FOXP1: variants seen among roughly 807,000 people sequenced by gnomAD.
The protein encoded by FOXP1 is forkhead box P1, also known as forkhead box protein P1.
A neutral mutation model predicts 98.2 loss-of-function variants in FOXP1; 15 were observed. The observed-to-expected ratio is 0.15, with a 90% CI of 0.10 to 0.24. FOXP1 has a LOEUF of 0.24. Ranked by LOEUF, FOXP1 falls within the 10% of genes least tolerant of loss-of-function variation. The pLI is 1.00. For missense variants in FOXP1, 633 were observed against 848.5 expected, an observed-to-expected ratio of 0.75 and a Z score of 3.15; for synonymous variants, 371 against 314.5, an observed-to-expected ratio of 1.18 and a Z score of -1.90.
chr3:71,305,995 G>A (rs1189888573), intron 4 of FOXP1: 1 of 152,634 alleles, frequency 6.6e-6, no homozygotes, highest in East Asian at 1.9e-4. Context: ...CTGGCTCTCA[G>A]GGCTCCCAGG....
chr3:71,456,605 T>A (rs1446674776), intron 3 of FOXP1, among the ~76,000 whole-genome samples: 4 of 152,162 alleles, frequency 2.6e-5, no homozygotes, highest in South Asian at 4.1e-4. Flanking sequence ...GACAATGTAT[T>A]TGTCTTCTTC....
At chr3:71,054,072 C>T (rs1381420238) in intron 7 of FOXP1, among the ~76,000 whole-genome samples, 2 of 152,184 alleles carry the variant, frequency 1.3e-5, no homozygotes, top group Non-Finnish European at 2.9e-5. Flanking sequence ...TTCTCAATTG[C>T]TTATTGAGAG....
At chr3:71,554,079 G>T (rs894189296) in intron 2 of FOXP1, among the ~76,000 whole-genome samples, 1 of 152,092 alleles carries the variant, frequency 6.6e-6, no homozygotes, top group African/African-American at 2.4e-5. Context: ...TGGATACAGC[G>T]GCTCACACCT....
intron 5 of FOXP1, among the ~76,000 whole-genome samples, chr3:71,287,589 G>A (rs2072288988): frequency 6.6e-6 from 1 of 152,082 alleles, no homozygotes; most frequent in Non-Finnish European, 1.5e-5. Context: ...AGACCAGCCT[G>A]ACAAACATGG....
intron 5 of FOXP1, among the ~76,000 whole-genome samples, chr3:71,266,049 G>A (rs1159445848): frequency 6.6e-6 from 1 of 152,084 alleles, no homozygotes; most frequent in Non-Finnish European, 1.5e-5. Context: ...GTGGGTTCAA[G>A]TTTTACCACT....
At chr3:71,501,298 T>C (rs865888192) in intron 2 of FOXP1, among the ~76,000 whole-genome samples, 1,861 of 129,044 alleles carry the variant, frequency 0.014, 47 homozygotes, top group African/African-American at 0.047. Flanking sequence ...CTTTTCTTTT[T>C]TTTTTTTTTT....
At chr3:71,437,390 G>A (rs1438610460) in intron 3 of FOXP1, among the ~76,000 whole-genome samples, 1 of 152,150 alleles carries the variant, frequency 6.6e-6, no homozygotes, top group Non-Finnish European at 1.5e-5. Context: ...CTGAGTGACA[G>A]AATGAGACCC....
chr3:71,199,759 T>G (rs555858794), intron 5 of FOXP1, among the ~76,000 whole-genome samples: 3 of 143,818 alleles, frequency 2.1e-5, no homozygotes, highest in African/African-American at 7.7e-5. Context: ...GAAAAAAAAA[T>G]AGGGTGCAAA....
intron 6 of FOXP1, among the ~76,000 whole-genome samples, chr3:71,117,444 A>G (rs538904795): frequency 6.6e-6 from 1 of 152,260 alleles, no homozygotes; most frequent in African/African-American, 2.4e-5. Flanking sequence ...TTTTATAACA[A>G]TATCTCAACC....
rs1415128407 is a variant in FOXP1, at chr3:70,959,175, G to T, written c.*72C>A. 1 of 1,549,082 alleles carries T rather than the reference G, an allele frequency of 6.5e-7. No homozygotes were observed. The highest frequency in any genetic ancestry group is 8.9e-7 in the Non-Finnish European group (1 of 1,125,862). ...ACAACAAATGGAGAACAATTTCACT[G>T]CTAACTTTTGACGTGTTTTTTTTTT... On this transcript the variant is annotated 3_prime_UTR_variant, in exon 21 of 21. Coordinates refer to ENST00000649528, the MANE Select transcript of FOXP1 (RefSeq NM_001349338.3).
chr3:71,133,391 T>C (rs541690057), intron 6 of FOXP1, among the ~76,000 whole-genome samples: 1 of 152,360 alleles, frequency 6.6e-6, no homozygotes, highest in Non-Finnish European at 1.5e-5. Flanking sequence ...GGCCATGGAA[T>C]AGTCGTCTCG....
intron 5 of FOXP1, among the ~76,000 whole-genome samples, chr3:71,282,562 T>C (rs1229227516): frequency 1.3e-5 from 2 of 152,140 alleles, no homozygotes; most frequent in African/African-American, 4.8e-5. Flanking sequence ...AGAATTTAGT[T>C]AATCCTCAAC....
At chr3:71,416,516 G>A (rs1346301492) in intron 3 of FOXP1, among the ~76,000 whole-genome samples, 1 of 150,246 alleles carries the variant, frequency 6.7e-6, no homozygotes, top group African/African-American at 2.5e-5. Flanking sequence ...CTGCACTCCA[G>A]CCTGGGCCAC....
chr3:70,977,670 T>C lies in FOXP1; in HGVS notation c.1401A>G (p.Pro467=), dbSNP rs540936642. The C allele has an allele frequency of 2.5e-6, 4 of 1,614,072 alleles. No homozygotes were observed. The East Asian group carries it at 8.9e-5, about 36-fold the overall frequency. The change falls in exon 16 of 21, where the codon CCA becomes CCG. Residue 467 remains proline, a synonymous_variant. Coordinates refer to ENST00000649528, the MANE Select transcript of FOXP1 (RefSeq NM_001349338.3). ...GCCTAATTAAAGATGCATATGTAAA[T>C]GGTGGTCTAACTTCTGCGTTCTTAT... is the stretch of plus-strand genomic sequence containing the variant. ...EFYKNAEVRP[P]FTYASLIRQA... is the part of the protein sequence containing the mutation.
chr3:71,059,633 C>T (rs2051192260), intron 7 of FOXP1, among the ~76,000 whole-genome samples: 1 of 152,124 alleles, frequency 6.6e-6, no homozygotes, highest in Non-Finnish European at 1.5e-5. Flanking sequence ...CTTCTCTTTC[C>T]TACTTCAACC....
chr3:71,372,011 T>G (rs2079362865), intron 3 of FOXP1, among the ~76,000 whole-genome samples: 1 of 151,572 alleles, frequency 6.6e-6, no homozygotes, highest in Non-Finnish European at 1.5e-5. Context: ...CGTCTTTTCT[T>G]TCTTTCTTTT....
rs146682363 is a variant in FOXP1, at chr3:71,220,227, G to GTGAA, written c.-11-21839_-11-21836dup. Among the ~76,000 whole-genome samples the GTGAA allele has an allele frequency of 5.8e-4, 89 of 152,248 alleles. No homozygotes were observed. The East Asian group carries it at 0.014, about 24-fold the overall frequency. On this transcript the variant is annotated intron_variant, in intron 5 of 20. Transcript: ENST00000649528. ...TGATAAATAATTTAATGTCAGACGA[G>GTGAA]TGAATGAATGAATGAATGAATGAAA...
chr3:71,082,085 C>A (rs2054484888), intron 7 of FOXP1, among the ~76,000 whole-genome samples: 1 of 151,820 alleles, frequency 6.6e-6, no homozygotes, highest in Non-Finnish European at 1.5e-5. Flanking sequence ...TTGAGACCAG[C>A]CTGACCAACA....
At chr3:71,511,726 T>C (rs2042219266) in intron 2 of FOXP1, among the ~76,000 whole-genome samples, 1 of 152,120 alleles carries the variant, frequency 6.6e-6, no homozygotes, top group African/African-American at 2.4e-5. Flanking sequence ...ATAGCAATCC[T>C]TTTTTTGAAA....
Sources: gnomAD v4.1 joint callset for allele counts (sites outside exome capture counted in the v4.1 genomes callset) on GRCh38, gnomAD v4.1.1 for gene constraint, MANE v1.5 for transcripts, NCBI Gene and HGNC (gene_info 2026-07-23, HGNC 2026-07-21) for gene names.